Variants in CCDC60 observed in about 807,000 individuals in gnomAD.
CCDC60 encodes the protein coiled-coil domain containing 60.
Under a neutral mutation model 63.5 loss-of-function variants are expected in CCDC60, and 54 were observed. The ratio of observed to expected loss-of-function variants is 0.85; its 90% CI spans 0.68 to 1.07. The LOEUF (loss-of-function observed/expected upper bound fraction) is 1.07. CCDC60 is among the 50% of genes least tolerant of loss of function. The probability of loss-of-function intolerance (pLI) is 0.00; values close to 1 mark genes in which losing one functional copy is unlikely to be tolerated. For synonymous variants in CCDC60, 206 were observed against 238.8 expected (o/e 0.86, Z 1.27); for missense variants, 651 against 684.3 (o/e 0.95, Z 0.54).
chr12:119,360,135 C>CGGACGG (rs1955761778), intron 1 of CCDC60, among the ~76,000 whole-genome samples: 1 of 150,784 alleles, frequency 6.6e-6, no homozygotes, highest in Admixed American at 6.6e-5. Context: ...CCTCACCTCC[C>CGGACGG]GGACGGGGCG....
chr12:119,416,709 T>C (rs1956705448), intron 1 of CCDC60, among the ~76,000 whole-genome samples: 1 of 152,222 alleles, frequency 6.6e-6, no homozygotes, highest in South Asian at 2.1e-4. Flanking sequence ...ATAAATTGCA[T>C]GGCATTAAAT....
chr12:119,477,938 G>C (rs569439406), intron 3 of CCDC60, among the ~76,000 whole-genome samples: 21 of 151,952 alleles, frequency 1.4e-4, no homozygotes, highest in Non-Finnish European at 1.6e-4. Flanking sequence ...AGAGAGAGGA[G>C]AGAGAGAGAG....
intron 2 of CCDC60, among the ~76,000 whole-genome samples, chr12:119,465,622 A>G (rs1185030971): frequency 1.3e-5 from 2 of 151,712 alleles, no homozygotes; most frequent in Non-Finnish European, 2.9e-5. Context: ...GCCAGGCGTG[A>G]TGGTGGGCAC....
chr12:119,352,005 T>C (rs1215926845), intron 1 of CCDC60, among the ~76,000 whole-genome samples: 2 of 152,136 alleles, frequency 1.3e-5, no homozygotes, highest in East Asian at 1.9e-4. Context: ...TGAGATTAAT[T>C]TATGAGGAAA....
intron 1 of CCDC60, among the ~76,000 whole-genome samples, chr12:119,422,794 T>A (rs2136222213): frequency 6.6e-6 from 1 of 152,350 alleles, no homozygotes; most frequent in East Asian, 1.9e-4. Flanking sequence ...TCCTAATTTT[T>A]TTTATCTTTT....
Position 119,436,758 on chromosome 12 carries a change from A to G in CCDC60, c.170+7996A>G, listed in dbSNP as rs187240149. On this transcript the variant is annotated intron_variant, in intron 2 of 13. Transcript: ENST00000327554. ...TTTCACCATGGCCAGGCTGGTCTTG[A>G]ACTCCTGACCTCAGGTGATCTACCT... Among the ~76,000 whole-genome samples, 3 of 152,196 alleles carry G rather than the reference A, an allele frequency of 2.0e-5. No individual in the cohort carries two copies. In the East Asian group the frequency reaches 5.8e-4, roughly 29 times the overall value.
chr12:119,378,350 G>A (rs554268719), intron 1 of CCDC60, among the ~76,000 whole-genome samples: 42 of 152,290 alleles, frequency 2.8e-4, no homozygotes, highest in African/African-American at 1.0e-3. Context: ...TATGTCTGCA[G>A]CTTGATTTTA....
chr12:119,359,948 C>A (rs12372351), intron 1 of CCDC60, among the ~76,000 whole-genome samples: 2 of 151,904 alleles, frequency 1.3e-5, no homozygotes, highest in East Asian at 2.0e-4. Context: ...TACACAGACA[C>A]GGCAACCATC....
At chr12:119,417,898 A>G (rs566151304) in intron 1 of CCDC60, among the ~76,000 whole-genome samples, 2 of 152,168 alleles carry the variant, frequency 1.3e-5, no homozygotes, top group Non-Finnish European at 2.9e-5. Context: ...CACGGCTTCC[A>G]TAAGGCAGTC....
At chr12:119,433,659 T>G in intron 2 of CCDC60, 1 of 693,796 alleles carries the variant, frequency 1.4e-6, no homozygotes, top group Non-Finnish European at 2.6e-6. Context: ...TTCCATCCAT[T>G]GTTTCTTAAC....
intron 1 of CCDC60, among the ~76,000 whole-genome samples, chr12:119,393,900 C>T (rs1465014660): frequency 6.6e-6 from 1 of 152,170 alleles, no homozygotes; most frequent in African/African-American, 2.4e-5. Context: ...TTAACCAGCA[C>T]CTTCAGGAAG....
At chr12:119,343,944 C>G (rs1009527605) in intron 1 of CCDC60, among the ~76,000 whole-genome samples, 1 of 152,106 alleles carries the variant, frequency 6.6e-6, no homozygotes, top group East Asian at 1.9e-4. Flanking sequence ...TCTTTTCATA[C>G]TCTCCTTCTC....
chr12:119,336,964 G>T (rs1228488988), intron 1 of CCDC60, among the ~76,000 whole-genome samples: 1 of 152,174 alleles, frequency 6.6e-6, no homozygotes, highest in Non-Finnish European at 1.5e-5. Context: ...AGCAATGCTG[G>T]TCCACTCTAG....
At chr12:119,453,930 TA>T (rs1950680068) in intron 2 of CCDC60, among the ~76,000 whole-genome samples, 1 of 151,788 alleles carries the variant, frequency 6.6e-6, no homozygotes, top group Admixed American at 6.6e-5. Flanking sequence ...TGATGAAAAA[TA>T]AGAAGAAAAA....
chr12:119,516,611 T>C lies in CCDC60; in HGVS notation c.884-12T>C, dbSNP rs1220752587. On this transcript the variant is annotated splice_polypyrimidine_tract_variant and intron_variant, in intron 7 of 13. Transcript: ENST00000327554. Reference sequence around the variant, plus strand: ...GCTTCTGGTCAAGGGTGACCTCTCATATTCTCATCAGATCTGCAGAAGCTC... The same window carrying C: ...GCTTCTGGTCAAGGGTGACCTCTCACATTCTCATCAGATCTGCAGAAGCTC... 1.9e-6 allele frequency: 3 copies of C among 1,605,072 alleles called. No homozygotes were observed. The highest frequency in any genetic ancestry group is 2.6e-6 in the Non-Finnish European group (3 of 1,172,260).
At chr12:119,528,893 C>G (rs1424600012) in intron 12 of CCDC60, 147 bp downstream of exon 12, 1 of 752,642 alleles carries the variant, frequency 1.3e-6, no homozygotes, top group East Asian at 3.0e-5. Flanking sequence ...ATCCCCCACC[C>G]CCCAGAAACA....
chr12:119,389,646 A>T (rs927742254), intron 1 of CCDC60, among the ~76,000 whole-genome samples: 1 of 152,158 alleles, frequency 6.6e-6, no homozygotes, highest in African/African-American at 2.4e-5. Context: ...CTTAGAAAAG[A>T]AGCAAGTAGA....
chr12:119,479,644 A>G (rs1418190755), intron 4 of CCDC60: 1 of 154,350 alleles, frequency 6.5e-6, no homozygotes, highest in Admixed American at 6.5e-5. Context: ...CAACCTTCCA[A>G]AGAACACTCT....
chr12:119,406,841 G>A (rs923253329), intron 1 of CCDC60, among the ~76,000 whole-genome samples: 4 of 152,154 alleles, frequency 2.6e-5, no homozygotes, highest in African/African-American at 9.7e-5. Context: ...CAATACACTA[G>A]GGTTTCTCTA....
Sources: allele counts gnomAD v4.1 joint callset (sites outside exome capture counted in the v4.1 genomes callset), GRCh38; gene constraint gnomAD v4.1.1; transcripts MANE v1.5; gene names NCBI Gene and HGNC (gene_info 2026-07-23, HGNC 2026-07-21).